The following SUGCT variants were observed in gnomAD, a reference collection of about 807,000 sequenced individuals.
The protein encoded by SUGCT is succinyl-CoA:glutarate CoA-transferase.
SUGCT carries 41 observed loss-of-function variants against 55.0 expected under a neutral mutation model. The observed-to-expected ratio is 0.74, with a 90% CI of 0.58 to 0.97. The LOEUF (loss-of-function observed/expected upper bound fraction) is 0.97, where lower values mean the gene tolerates loss of function less well. Ranked by LOEUF, SUGCT falls within the 50% of genes least tolerant of loss-of-function variation. The pLI, the probability that SUGCT is intolerant of heterozygous loss-of-function variation, is 0.00. For synonymous variants in SUGCT, 187 were observed against 200.4 expected (o/e 0.93, Z 0.56); for missense variants, 568 against 547.8 (o/e 1.04, Z -0.37).
intron 9 of SUGCT, among the ~76,000 whole-genome samples, chr7:40,430,002 GT>G (rs1241760931): frequency 6.6e-6 from 1 of 152,124 alleles, no homozygotes; most frequent in Non-Finnish European, 1.5e-5. Flanking sequence ...CATTTCGCAA[GT>G]TCTTGTTCTT....
At chr7:40,397,740 G>A (rs1342000041) in intron 9 of SUGCT, among the ~76,000 whole-genome samples, 1 of 152,160 alleles carries the variant, frequency 6.6e-6, no homozygotes, top group African/African-American at 2.4e-5. Flanking sequence ...AGGTAATGAG[G>A]AGGAGAAAGA....
In SUGCT at chr7:40,419,502, C is replaced by A. The variant is rs546431183; in HGVS notation, c.817-29785C>A. Among the ~76,000 whole-genome samples, 10 of 152,278 alleles carry A rather than the reference C, an allele frequency of 6.6e-5. No homozygotes were observed. In the East Asian group the frequency reaches 1.7e-3, roughly 26 times the overall value. On this transcript the variant is annotated intron_variant, in intron 9 of 13. Transcript: ENST00000335693. ...AGCTACTTTCCTCATTTATTTATTT[C>A]TTTATTATTTCTGGCTACAAAGCTG...
At chr7:40,824,158 C>T (rs993583647) in intron 13 of SUGCT, among the ~76,000 whole-genome samples, 5 of 151,660 alleles carry the variant, frequency 3.3e-5, no homozygotes, top group Non-Finnish European at 7.4e-5. Flanking sequence ...TAGCTAAATC[C>T]TCAAATTAAT....
intron 8 of SUGCT, among the ~76,000 whole-genome samples, chr7:40,275,110 GTTTTCATA>G (rs2151001811): frequency 6.6e-6 from 1 of 152,238 alleles, no homozygotes; most frequent in South Asian, 2.1e-4. Context: ...CCATGTACTT[GTTTTCATA>G]TTAAAATACA....
intron 1 of SUGCT, chr7:40,154,069 G>A (rs534951419): frequency 2.0e-4 from 49 of 248,392 alleles, no homozygotes; most frequent in African/African-American, 7.5e-4. Flanking sequence ...AACATTGGGG[G>A]TCTTTGTGCT....
At chr7:40,570,888 T>A (rs1796414932) in intron 12 of SUGCT, among the ~76,000 whole-genome samples, 1 of 133,712 alleles carries the variant, frequency 7.5e-6, no homozygotes, top group South Asian at 2.7e-4. Flanking sequence ...CAGTTGGAGC[T>A]TTGCTCTGTT....
chr7:40,803,399 G>C (rs1790921875), intron 13 of SUGCT, among the ~76,000 whole-genome samples: 1 of 152,168 alleles, frequency 6.6e-6, no homozygotes, highest in East Asian at 1.9e-4. Flanking sequence ...GATCTTAAGA[G>C]AGGTTCAACT....
rs564912271 is a variant in SUGCT, at chr7:40,335,280, T to G, written c.816+18425T>G. On this transcript the variant is annotated intron_variant, in intron 9 of 13. Transcript: ENST00000335693. ...TGAACTTTAGTTTTTTCCAATTCTG[T>G]GAAGAAAGTCATTGGTAGCTTGATG... Among the ~76,000 whole-genome samples the G allele has an allele frequency of 2.4e-3, 370 of 152,290 alleles. 2 individuals are homozygous for G. The highest frequency in any genetic ancestry group is 3.7e-3 in the Non-Finnish European group (250 of 68,018).
At chr7:40,730,572 C>T (rs1786842159) in intron 12 of SUGCT, among the ~76,000 whole-genome samples, 1 of 152,180 alleles carries the variant, frequency 6.6e-6, no homozygotes, top group Non-Finnish European at 1.5e-5. Context: ...AATCTACTCT[C>T]CAGTGAGTTT....
At chr7:40,377,539 G>A (rs745747321) in intron 9 of SUGCT, among the ~76,000 whole-genome samples, 28 of 151,896 alleles carry the variant, frequency 1.8e-4, no homozygotes, top group Non-Finnish European at 3.2e-4. Flanking sequence ...TACCACGCCC[G>A]GACTTCAGCC....
the SUGCT span, among the ~76,000 whole-genome samples, chr7:41,037,966 G>A: frequency 3.9e-5 from 6 of 152,034 alleles, no homozygotes; most frequent in Admixed American, 3.9e-4. Flanking sequence ...GAATGTTGTT[G>A]GGTCACTCAG....
chr7:40,607,407 T>G (rs1349899822), intron 12 of SUGCT, among the ~76,000 whole-genome samples: 1 of 152,080 alleles, frequency 6.6e-6, no homozygotes, highest in Non-Finnish European at 1.5e-5. Context: ...CTGGCTGAAT[T>G]TTATAATTTA....
intron 7 of SUGCT, among the ~76,000 whole-genome samples, chr7:40,273,272 A>T (rs1380004032): frequency 6.6e-6 from 1 of 152,210 alleles, no homozygotes; most frequent in Non-Finnish European, 1.5e-5. Context: ...TGCTTTAAAC[A>T]TTATTTTGCA....
chr7:40,387,037 C>A (rs956089597), intron 9 of SUGCT, among the ~76,000 whole-genome samples: 5 of 152,156 alleles, frequency 3.3e-5, no homozygotes, highest in Non-Finnish European at 7.3e-5. Context: ...AAAGGAAATT[C>A]TCTTAGGCCA....
chr7:40,424,691 G>A (rs866228885), intron 9 of SUGCT, among the ~76,000 whole-genome samples: 3 of 152,118 alleles, frequency 2.0e-5, no homozygotes, highest in Admixed American at 6.5e-5. Flanking sequence ...TAAATAGTGA[G>A]TAGATTTATT....
intron 9 of SUGCT, among the ~76,000 whole-genome samples, chr7:40,444,123 T>A (rs1006144252): frequency 2.6e-5 from 4 of 152,214 alleles, no homozygotes; most frequent in African/African-American, 9.6e-5. Flanking sequence ...TTGGTTACTG[T>A]AGCCTTGTAG....
At chr7:40,971,938 A>C in the SUGCT span, among the ~76,000 whole-genome samples, 1 of 152,168 alleles carries the variant, frequency 6.6e-6, no homozygotes, top group East Asian at 1.9e-4. Context: ...ATTCATGTTT[A>C]CACTGAGAAA....
At chr7:40,523,437 G>T (rs1253690383) in intron 12 of SUGCT, among the ~76,000 whole-genome samples, 1 of 152,068 alleles carries the variant, frequency 6.6e-6, no homozygotes, top group African/African-American at 2.4e-5. Context: ...TCAAAGGCAA[G>T]AGGATATCTT....
At chr7:40,595,235 A>G (rs929715481) in intron 12 of SUGCT, among the ~76,000 whole-genome samples, 6 of 152,172 alleles carry the variant, frequency 3.9e-5, no homozygotes, top group African/African-American at 1.4e-4. Flanking sequence ...GAAGTGAAAT[A>G]GTTTGACCGA....
Sources: gnomAD v4.1 joint callset for allele counts (sites outside exome capture counted in the v4.1 genomes callset) on GRCh38, gnomAD v4.1.1 for gene constraint, MANE v1.5 for transcripts, NCBI Gene and HGNC (gene_info 2026-07-23, HGNC 2026-07-21) for gene names.